ABCA8: variants seen among roughly 807,000 people sequenced by gnomAD.
ABCA8 encodes the protein ATP binding cassette subfamily A member 8.
In ABCA8, 177 loss-of-function variants were observed where a neutral mutation model predicts 192.3. The ratio of observed to expected loss-of-function variants is 0.92; its 90% CI spans 0.81 to 1.04. The LOEUF (loss-of-function observed/expected upper bound fraction) is 1.04. ABCA8 is among the 50% of genes least tolerant of loss of function. The probability of loss-of-function intolerance (pLI) is 0.00; values close to 1 mark genes in which losing one functional copy is unlikely to be tolerated. For synonymous variants in ABCA8, 642 were observed against 690.2 expected (o/e 0.93, Z 1.09); for missense variants, 1,915 against 1,904.8 (o/e 1.01, Z -0.10).
chr17:68,954,993 C>T (rs997054268), intron 1 of ABCA8, among the ~76,000 whole-genome samples: 1 of 152,102 alleles, frequency 6.6e-6, no homozygotes, highest in African/African-American at 2.4e-5. Context: ...TTTTAAAAAA[C>T]ATTCTAACTC....
At chr17:68,899,513 A>G (rs1303505599) in intron 21 of ABCA8, among the ~76,000 whole-genome samples, 4 of 152,138 alleles carry the variant, frequency 2.6e-5, no homozygotes, top group African/African-American at 9.6e-5. Context: ...AGCATAAGAG[A>G]CATTTTCTAA....
At position 68,875,410 on chromosome 17, in the gene ABCA8, G is replaced by A. The variant is rs376952178; in HGVS notation, c.4491-10C>T. The A allele has an allele frequency of 6.2e-5, 100 of 1,612,640 alleles. No homozygotes were observed. In the African/African-American group the frequency reaches 1.2e-3, roughly 19 times the overall value. On this transcript the variant is annotated splice_polypyrimidine_tract_variant and intron_variant, in intron 36 of 39. Transcript: ENST00000586539. Reference sequence around the variant, plus strand: ...GATGGAACCGATACATCTGGAGGATGAGGTCATATGAGAAAGGAGAAAAAA... The same window carrying A: ...GATGGAACCGATACATCTGGAGGATAAGGTCATATGAGAAAGGAGAAAAAA...
In ABCA8 at chr17:68,919,312, C is replaced by T; in HGVS notation, c.1777G>A (p.Val593Met). ...ACATATTTTTGTACCTCTTTATCCA[C>T]TTCTTGTGGCAGAATCCCTTTTATT... ...AKIKGILPQEVDKEIQRVLLE... is the reference protein window; with the variant it reads ...AKIKGILPQEMDKEIQRVLLE... Residue 593 changes from valine (V) to methionine (M), a missense_variant, in exon 14 of 40, where the codon GTG becomes ATG. Physicochemically the swap from Val to Met is conservative, Grantham distance 21 (BLOSUM62 1). Coordinates refer to ENST00000586539, the MANE Select transcript of ABCA8 (RefSeq NM_001288985.2). 1 of 1,610,136 alleles carries T rather than the reference C, an allele frequency of 6.2e-7. No homozygotes were observed. Among genetic ancestry groups the T allele is most frequent in the Non-Finnish European group, 8.5e-7 (1 of 1,178,026 alleles).
intron 5 of ABCA8, among the ~76,000 whole-genome samples, chr17:68,936,172 T>C (rs2068059816): frequency 6.6e-6 from 1 of 152,132 alleles, no homozygotes; most frequent in Admixed American, 6.5e-5. Context: ...AGAAGTTTTT[T>C]TTAGTTTAAT....
At chr17:68,875,068 G>A (rs2066163188) in intron 37 of ABCA8, among the ~76,000 whole-genome samples, 192 bp downstream of exon 37, 1 of 152,184 alleles carries the variant, frequency 6.6e-6, no homozygotes, top group Non-Finnish European at 1.5e-5. Flanking sequence ...GACAGCCCCT[G>A]GCGCATAGTG....
rs574060675 is a variant in ABCA8 at position 68,884,064 on chromosome 17, C to A, written c.3616-182G>T. ...TCATTTTCAATCTTTTTTATAGAAACGTAGGAAACAACTATAGTTATGTGA... is the reference window on the plus strand; with the variant it reads ...TCATTTTCAATCTTTTTTATAGAAAAGTAGGAAACAACTATAGTTATGTGA... On this transcript the variant is annotated intron_variant, in intron 28 of 39. Transcript: ENST00000586539. 3.3e-5 allele frequency among the ~76,000 whole-genome samples: 5 copies of A among 152,230 alleles called. No individual in the cohort carries two copies. The East Asian group carries it at 7.7e-4, about 24-fold the overall frequency.
intron 2 of ABCA8, among the ~76,000 whole-genome samples, chr17:68,943,215 T>C (rs2068281402): frequency 6.6e-6 from 1 of 152,280 alleles, no homozygotes; most frequent in African/African-American, 2.4e-5. Flanking sequence ...CTTTACATTG[T>C]CTTTTTAAAA....
intron 6 of ABCA8, 141 bp from the exon 7 acceptor site, chr17:68,932,655 C>G: frequency 1.6e-6 from 1 of 636,958 alleles, no homozygotes; most frequent in Non-Finnish European, 2.7e-6. Flanking sequence ...TATGTCCTGT[C>G]ATTGACCTGC....
intron 17 of ABCA8, among the ~76,000 whole-genome samples, chr17:68,914,473 A>C (rs1323532413): frequency 6.6e-6 from 1 of 152,174 alleles, no homozygotes; most frequent in African/African-American, 2.4e-5. Flanking sequence ...CAATATACAA[A>C]AATCAATAGC....
Position 68,928,012 on chromosome 17 carries a change from C to T in ABCA8, c.1177G>A (p.Asp393Asn), listed in dbSNP as rs1239977417. The T allele has an allele frequency of 5.0e-6, 8 of 1,604,896 alleles. No individual in the cohort carries two copies. Among genetic ancestry groups the T allele is most frequent in the Middle Eastern group, 1.7e-4 (1 of 6,044 alleles). The change falls in exon 10 of 40, where the codon GAC becomes AAC. Residue 393 changes from aspartate to asparagine, a missense_variant. Asp to Asn is a conservative substitution (Grantham distance 23). Transcript: ENST00000586539. ...LNSNAFPHPSDGSNLIVATNF... is the reference protein window; with the variant it reads ...LNSNAFPHPSNGSNLIVATNF... ...GTTGCTACAATGAGATTTGAGCCGTCCGATGGATGAGGAAATGCATTAGAA... is the reference window on the plus strand; with the variant it reads ...GTTGCTACAATGAGATTTGAGCCGTTCGATGGATGAGGAAATGCATTAGAA...
rs112261473 is a variant in ABCA8, at chr17:68,932,188, C to A, written c.797+100G>T. ...TCACGCCACTGCACTCCAGCCTGGG[C>A]GACAGAGCGAGACTCCATTTCAAAA... On this transcript the variant is annotated intron_variant, in intron 7 of 39. Transcript: ENST00000586539. 6.0e-4 allele frequency: 535 copies of A among 892,686 alleles called. 2 individuals are homozygous for A. In the African/African-American group the frequency reaches 7.9e-3, roughly 13 times the overall value. The allele number at this position is 892,686 out of a possible 1,614,324, so 55.3% of individuals were successfully genotyped here.
intron 2 of ABCA8, among the ~76,000 whole-genome samples, chr17:68,942,249 C>T (rs975909147): frequency 6.6e-6 from 1 of 152,140 alleles, no homozygotes; most frequent in East Asian, 1.9e-4. Flanking sequence ...ATTTGTGATG[C>T]CCTGTGCCTG....
rs150198113 is a variant in ABCA8 at position 68,928,850 on chromosome 17, T to C, written c.1125+199A>G. 6.4e-3 allele frequency among the ~76,000 whole-genome samples: 975 copies of C among 152,340 alleles called. 1 individual carries two copies. Among genetic ancestry groups the C allele is most frequent in the Middle Eastern group, 0.01 (3 of 294 alleles). On this transcript the variant is annotated intron_variant, in intron 9 of 39. Coordinates refer to ENST00000586539, the MANE Select transcript of ABCA8 (RefSeq NM_001288985.2). ...AATAATTGTATGTTGATCCTCTTTT[T>C]TTCACTTTCCAAATGTCTTATTTTG...
Position 68,918,137 on chromosome 17 carries a change from G to A in ABCA8, c.1957C>T (p.His653Tyr). Reference sequence around the variant, plus strand: ...TCTTTCAGAAGGTTCCATACTTGGTGTCTTGAAAAGGGATCCAATCCAGCA... The same window carrying A: ...TCTTTCAGAAGGTTCCATACTTGGTATCTTGAAAAGGGATCCAATCCAGCA... ...PTAGLDPFSRHQVWNLLKERK... is the reference protein window; with the variant it reads ...PTAGLDPFSRYQVWNLLKERK... The change falls in exon 16 of 40, where the codon CAC becomes TAC. Residue 653 changes from histidine to tyrosine, a missense_variant. His to Tyr is a moderately conservative substitution (Grantham distance 83, BLOSUM62 2). Coordinates refer to ENST00000586539, the MANE Select transcript of ABCA8 (RefSeq NM_001288985.2). The A allele has an allele frequency of 6.2e-7, 1 of 1,614,204 alleles. No individual in the cohort carries two copies. The highest frequency in any genetic ancestry group is 1.1e-5 in the South Asian group (1 of 91,088).
At chr17:68,869,902 T>A (rs1316887978) in intron 37 of ABCA8, 123 bp from the exon 38 acceptor site, 7 of 669,362 alleles carry the variant, frequency 1.0e-5, no homozygotes, top group Non-Finnish European at 1.9e-5. Context: ...TAACATGAGA[T>A]CTACCCTGTT....
intron 2 of ABCA8, among the ~76,000 whole-genome samples, chr17:68,943,843 T>TA (rs1360067135): frequency 2.0e-5 from 3 of 152,052 alleles, no homozygotes; most frequent in African/African-American, 7.2e-5. Context: ...ACTCTTTTTT[T>TA]ACAGGCTTCA....
intron 37 of ABCA8, among the ~76,000 whole-genome samples, chr17:68,873,627 A>G (rs2066124164): frequency 6.6e-6 from 1 of 152,214 alleles, no homozygotes; most frequent in Non-Finnish European, 1.5e-5. Context: ...CATTGCCAAG[A>G]CCAATGTCAT....
intron 7 of ABCA8, among the ~76,000 whole-genome samples, chr17:68,931,212 CCTT>C (rs2067863630): frequency 6.6e-6 from 1 of 152,192 alleles, no homozygotes; most frequent in Non-Finnish European, 1.5e-5. Context: ...CCTCATTACA[CCTT>C]CTTCACAATC....
intron 10 of ABCA8, among the ~76,000 whole-genome samples, chr17:68,926,159 A>AG (rs1420011355): frequency 2.1e-5 from 3 of 140,744 alleles, no homozygotes; most frequent in African/African-American, 9.6e-5. Flanking sequence ...AACAAGGACT[A>AG]AAAAAAGATG....
Sources: allele counts gnomAD v4.1 joint callset (sites outside exome capture counted in the v4.1 genomes callset), GRCh38; gene constraint gnomAD v4.1.1; transcripts MANE v1.5; gene names NCBI Gene and HGNC (gene_info 2026-07-23, HGNC 2026-07-21).